PLCG2: variants seen among roughly 807,000 people sequenced by gnomAD.
PLCG2 encodes the protein 1-phosphatidylinositol 4,5-bisphosphate phosphodiesterase gamma-2.
PLCG2 carries 69 observed loss-of-function variants against 175.6 expected under a neutral mutation model. The ratio of observed to expected loss-of-function variants is 0.39; its 90% confidence interval spans 0.32 to 0.48. PLCG2 has a LOEUF of 0.48. PLCG2 is among the 20% of genes least tolerant of loss of function. PLCG2 has a pLI of 0.91. For synonymous variants in PLCG2, 827 were observed against 624.0 expected, an observed-to-expected ratio of 1.33 and a Z score of -4.85; for missense variants, 1,798 against 1,650.9, an observed-to-expected ratio of 1.09 and a Z score of -1.54.
chr16:81,845,048 C>G (rs1287581780), intron 2 of PLCG2, among the ~76,000 whole-genome samples: 3 of 152,226 alleles, frequency 2.0e-5, no homozygotes, highest in African/African-American at 7.2e-5. Context: ...CCTCCCTCAA[C>G]TTCTTGAGTA....
At chr16:81,758,866 C>G (rs547901839) in intron 2 of PLCG2, among the ~76,000 whole-genome samples, 1 of 151,942 alleles carries the variant, frequency 6.6e-6, no homozygotes, top group Non-Finnish European at 1.5e-5. Flanking sequence ...TTAGTAGAGA[C>G]GGGGTTTCAC....
At chr16:81,759,451 C>G (rs184960876) in intron 2 of PLCG2, among the ~76,000 whole-genome samples, 75 of 152,276 alleles carry the variant, frequency 4.9e-4, no homozygotes, top group African/African-American at 1.8e-3. Context: ...ATCTGCACTG[C>G]TGCAGAATTC....
In PLCG2 at chr16:81,889,252, G is replaced by A. The variant is rs1205675128; in HGVS notation, c.846G>A (p.Glu282=). Residue 282 remains glutamate (E), a synonymous_variant, in exon 10 of 33, where the codon GAG becomes GAA. Transcript: ENST00000564138. ...FIDDTMRETA[E]PFLFVDEFLT... ...ATGACACCATGCGTGAAACTGCTGA[G>A]CCTTTCTTGTTTGTGGATGAGGTGA... The A allele has an allele frequency of 6.2e-7, 1 of 1,602,394 alleles. No individual in the cohort carries two copies. The highest frequency in any genetic ancestry group is 8.5e-7 in the Non-Finnish European group (1 of 1,173,376).
chr16:81,854,036 C>T (rs755548975), intron 2 of PLCG2, among the ~76,000 whole-genome samples: 5 of 152,078 alleles, frequency 3.3e-5, no homozygotes, highest in East Asian at 3.9e-4. Context: ...CAAGGTCAAC[C>T]GGACAGTTGA....
intron 31 of PLCG2, among the ~76,000 whole-genome samples, chr16:81,955,982 G>C (rs1055186604): frequency 3.3e-5 from 5 of 152,120 alleles, no homozygotes; most frequent in African/African-American, 1.2e-4. Context: ...ATTACGTGTT[G>C]TACAGTCATG....
rs62044872 is a variant in PLCG2, at chr16:81,905,808, C to T, written c.1467+301C>T. Among the ~76,000 whole-genome samples, 797 of 152,148 alleles carry T rather than the reference C, an allele frequency of 5.2e-3. 7 individuals carry two copies. The highest frequency in any genetic ancestry group is 9.0e-3 in the Non-Finnish European group (613 of 68,004). ...CTGAGTCTCTGGGACCACACGTGCG[C>T]ACCACCATGCCTGGCTAATTTTTTG... is the stretch of plus-strand genomic sequence containing the variant. On this transcript the variant is annotated intron_variant, in intron 15 of 32. Transcript: ENST00000564138.
chr16:81,833,522 A>C (rs909363817), intron 2 of PLCG2, among the ~76,000 whole-genome samples: 4 of 147,832 alleles, frequency 2.7e-5, no homozygotes, highest in African/African-American at 9.8e-5. Context: ...TCAATTTCAA[A>C]ATTTAAAAAA....
At chr16:81,937,721 T>G (rs1241920857) in intron 27 of PLCG2, 37 bp from the exon 28 acceptor site, 2 of 1,603,768 alleles carry the variant, frequency 1.2e-6, no homozygotes, top group Non-Finnish European at 1.7e-6. Flanking sequence ...AGCGTGCTCA[T>G]GCCTGACTTA....
At chr16:81,816,651 A>ATTTTTTTTTTTT (rs71146047) in intron 2 of PLCG2, among the ~76,000 whole-genome samples, 1 of 108,856 alleles carries the variant, frequency 9.2e-6, no homozygotes, top group African/African-American at 3.8e-5. Flanking sequence ...GCTAATTTTA[A>ATTTTTTTTTTTT]TTTTTTTTTT....
chr16:81,790,188 T>G (rs879425025), intron 2 of PLCG2, among the ~76,000 whole-genome samples: 32 of 152,222 alleles, frequency 2.1e-4, no homozygotes, highest in Non-Finnish European at 4.1e-4. Context: ...CACTCAGTTG[T>G]TGGGAACCAC....
At chr16:81,860,599 T>G (rs928258225) in intron 5 of PLCG2, among the ~76,000 whole-genome samples, 1 of 152,134 alleles carries the variant, frequency 6.6e-6, no homozygotes, top group Non-Finnish European at 1.5e-5. Context: ...AAACTTGCTT[T>G]CTTTATGGGT....
rs759269946 is a variant in PLCG2, at chr16:81,919,605, T to C, written c.2176T>C (p.Tyr726His). 3 of 1,614,146 alleles carry C rather than the reference T, an allele frequency of 1.9e-6. No homozygotes were observed. The highest frequency in any genetic ancestry group is 2.5e-6 in the Non-Finnish European group (3 of 1,180,008). The change falls in exon 20 of 33, where the codon TAC becomes CAC. Residue 726 changes from tyrosine (Y) to histidine (H), a missense_variant. Physicochemically the swap from Tyr to His is moderately conservative, Grantham distance 83. Transcript: ENST00000564138. The stretch of plus-strand genomic sequence containing the variant: ...CAGTTACTACGAGAAGCATTCACTC[T>C]ACCGAAAGATGAGACTGCGCTACCC... ...LVSYYEKHSLYRKMRLRYPVT... is the reference protein window; with the variant it reads ...LVSYYEKHSLHRKMRLRYPVT...
chr16:81,864,983 A>G (rs2143511647), intron 5 of PLCG2, among the ~76,000 whole-genome samples: 1 of 152,186 alleles, frequency 6.6e-6, no homozygotes, highest in Admixed American at 6.5e-5. Flanking sequence ...CTCCCAGGAA[A>G]CATGATCTGA....
chr16:81,847,917 G>C (rs554902941), intron 2 of PLCG2, among the ~76,000 whole-genome samples: 2 of 152,316 alleles, frequency 1.3e-5, no homozygotes, highest in Admixed American at 1.3e-4. Context: ...ATCCCCAACA[G>C]TCACTGAGGG....
intron 14 of PLCG2, among the ~76,000 whole-genome samples, chr16:81,903,579 A>G (rs564872882): frequency 6.6e-6 from 1 of 152,304 alleles, no homozygotes; most frequent in East Asian, 1.9e-4. Context: ...TAGCTGCAGC[A>G]CTGTTTGCAC....
At chr16:81,874,180 A>T in intron 7 of PLCG2, among the ~76,000 whole-genome samples, 1 of 152,334 alleles carries the variant, frequency 6.6e-6, no homozygotes, top group South Asian at 2.1e-4. Context: ...TATATATTAA[A>T]ATCTAGATAT....
intron 5 of PLCG2, among the ~76,000 whole-genome samples, chr16:81,860,172 A>ATTATTATTTTT (rs763047744): frequency 1.7e-5 from 2 of 120,614 alleles, no homozygotes; most frequent in African/African-American, 3.1e-5. Flanking sequence ...TATTATTATT[A>ATTATTATTTTT]TTTTTTTTTT....
intron 11 of PLCG2, 25 bp from the exon 12 acceptor site, chr16:81,893,684 C>T (rs776583165): frequency 9.8e-6 from 15 of 1,523,182 alleles, no homozygotes; most frequent in Middle Eastern, 1.7e-4. Context: ...CACTCTCACA[C>T]GGCCACCTGC....
intron 13 of PLCG2, among the ~76,000 whole-genome samples, chr16:81,899,307 A>AATATATAT (rs1436371215): frequency 6.7e-6 from 1 of 149,588 alleles, no homozygotes; most frequent in Non-Finnish European, 1.5e-5. Context: ...CACACACATA[A>AATATATAT]ATATATATGT....
Sources: gnomAD v4.1 joint callset for allele counts (sites outside exome capture counted in the v4.1 genomes callset) on GRCh38, gnomAD v4.1.1 for gene constraint, MANE v1.5 for transcripts, NCBI Gene and HGNC (gene_info 2026-07-23, HGNC 2026-07-21) for gene names.